Variants in CNOT7 observed in about 807,000 individuals in gnomAD.
The protein encoded by CNOT7 is CCR4-NOT transcription complex subunit 7.
A neutral mutation model predicts 37.1 loss-of-function variants in CNOT7; 4 were observed. The observed-to-expected ratio is 0.11, with a 90% CI of 0.05 to 0.25. The LOEUF (loss-of-function observed/expected upper bound fraction) is 0.25, where lower values mean the gene tolerates loss of function less well. CNOT7 is among the 10% of genes least tolerant of loss of function. The pLI is 1.00. For synonymous variants in CNOT7, 128 were observed against 115.6 expected (o/e 1.11, Z -0.69); for missense variants, 170 against 336.2 (o/e 0.51, Z 3.87).
intron 6 of CNOT7, 133 bp from the exon 7 acceptor site, chr8:17,230,981 G>C (rs1808523658): frequency 1.6e-6 from 1 of 606,670 alleles, no homozygotes; most frequent in South Asian, 2.7e-5. Flanking sequence ...GTGTTCCTTT[G>C]AGGCTACGCA....
rs1808145509 is a variant in CNOT7 at position 17,226,181 on chromosome 8, G to C, written c.*4539C>G. ...AAAAATTGAAAACTCAAAATATTGA[G>C]TACAATTTTTTTTTCTTTTTTTAGT... On this transcript the variant is annotated 3_prime_UTR_variant, in exon 7 of 7. Transcript: ENST00000361272. 1 of 151,088 alleles carries C rather than the reference G, an allele frequency of 6.6e-6. No individual in the cohort carries two copies. The highest frequency in any genetic ancestry group is 2.1e-4 in the South Asian group (1 of 4,804). 9.4% of individuals were successfully genotyped at this position (151,088 alleles called of 1,614,324 possible).
rs1244782554 is a variant in CNOT7 at position 17,227,505 on chromosome 8, A to ACTAT, written c.*3211_*3214dup. The ACTAT allele has an allele frequency of 4.6e-5, 7 of 151,994 alleles. No homozygotes were observed. Among genetic ancestry groups the ACTAT allele is most frequent in the Admixed American group, 2.0e-4 (3 of 15,254 alleles). The allele number at this position is 151,994 out of a possible 1,614,324, so 9.4% of individuals were successfully genotyped here. On this transcript the variant is annotated 3_prime_UTR_variant, in exon 7 of 7. Coordinates refer to ENST00000361272, the MANE Select transcript of CNOT7 (RefSeq NM_013354.7). The stretch of plus-strand genomic sequence containing the variant: ...CTGGACACATGTCTTTGGGTTGGTT[A>ACTAT]CTATCTTCAAGCACGATGTAATTCA...
Position 17,234,871 on chromosome 8 carries a change from G to A in CNOT7, c.474-11C>T. 3 of 1,611,330 alleles carry A rather than the reference G, an allele frequency of 1.9e-6. No homozygotes were observed. Among genetic ancestry groups the A allele is most frequent in the South Asian group, 1.1e-5 (1 of 90,950 alleles). On this transcript the variant is annotated splice_polypyrimidine_tract_variant and intron_variant, in intron 4 of 6. Transcript: ENST00000361272. ...CCAAAGTCGTAACCGCTATAAAAGG[G>A]TTAAAAGAATAGAGAAGAGGGACAT...
At chr8:17,241,558 T>A (rs1014029498) in intron 3 of CNOT7, 1 of 152,184 alleles carries the variant, frequency 6.6e-6, no homozygotes. Flanking sequence ...AATTCATACA[T>A]TGGCACTACC....
At position 17,225,211 on chromosome 8, in the gene CNOT7, A is replaced by T. The variant is rs1426059656; in HGVS notation, c.*5509T>A. ...AGCCATGATGATAGTCTGAAGCTAAAGGAACTCCAATTTCTTGGTATGATA... is the reference window on the plus strand; with the variant it reads ...AGCCATGATGATAGTCTGAAGCTAATGGAACTCCAATTTCTTGGTATGATA... On this transcript the variant is annotated 3_prime_UTR_variant, in exon 7 of 7. Transcript: ENST00000361272. 6.6e-6 allele frequency: 1 copy of T among 151,748 alleles called. No individual in the cohort carries two copies. The highest frequency in any genetic ancestry group is 2.4e-5 in the African/African-American group (1 of 41,422). The allele number at this position is 151,748 out of a possible 1,614,324, so 9.4% of individuals were successfully genotyped here. A position where few individuals can be genotyped will look rare whatever the true frequency, so the allele number is the denominator to read the frequency against.
chr8:17,240,282 C>G (rs1809982862), intron 3 of CNOT7, among the ~76,000 whole-genome samples: 1 of 152,178 alleles, frequency 6.6e-6, no homozygotes, highest in African/African-American at 2.4e-5. Context: ...GCCAGTGGGC[C>G]ACATGTGGCC....
Position 17,226,753 on chromosome 8 carries a change from A to G in CNOT7, c.*3967T>C, listed in dbSNP as rs1808184403. 6.6e-6 allele frequency: 1 copy of G among 151,794 alleles called. No homozygotes were observed. The highest frequency in any genetic ancestry group is 1.5e-5 in the Non-Finnish European group (1 of 67,734). The allele number at this position is 151,794 out of a possible 1,614,324, so 9.4% of individuals were successfully genotyped here. On this transcript the variant is annotated 3_prime_UTR_variant, in exon 7 of 7. Coordinates refer to ENST00000361272, the MANE Select transcript of CNOT7 (RefSeq NM_013354.7). ...CAATCTTAAGTTTTAGTTTTTATTGAAATGAATTTACCATATTATGTTGTT... is the reference window on the plus strand; with the variant it reads ...CAATCTTAAGTTTTAGTTTTTATTGGAATGAATTTACCATATTATGTTGTT...
At chr8:17,231,511 C>G in intron 6 of CNOT7, 1 of 984,838 alleles carries the variant, frequency 1.0e-6, no homozygotes, top group Non-Finnish European at 1.2e-6. Flanking sequence ...ATCAACAACA[C>G]TACTTAGCAA....
rs1037840743 is a variant in CNOT7 at position 17,232,185 on chromosome 8, C to T, written c.729+242G>A. 7.7e-6 allele frequency: 10 copies of T among 1,293,392 alleles called. No homozygotes were observed. In the African/African-American group the frequency reaches 1.2e-4, roughly 16 times the overall value. The allele number at this position is 1,293,392 out of a possible 1,614,324, so 80.1% of individuals were successfully genotyped here. ...ATATGGTTGGACCTACATGACTTCT[C>T]AGGTAGTTTATGTTTTAAAATTGTT... is the stretch of plus-strand genomic sequence containing the variant. On this transcript the variant is annotated intron_variant, in intron 6 of 6. Coordinates refer to ENST00000361272, the MANE Select transcript of CNOT7 (RefSeq NM_013354.7).
chr8:17,245,270 T>C (rs1810763670), intron 1 of CNOT7, 23 bp from the exon 2 acceptor site: 1 of 1,058,174 alleles, frequency 9.5e-7, no homozygotes, highest in South Asian at 2.0e-5. Context: ...AAAAACAATA[T>C]GAAGACCAGA....
rs1808779852 is a variant in CNOT7, at chr8:17,232,637, T to C, written c.619-100A>G. 3 of 989,574 alleles carry C rather than the reference T, an allele frequency of 3.0e-6. No homozygotes were observed. In the Admixed American group the frequency reaches 6.9e-5, roughly 23 times the overall value. The allele number at this position is 989,574 out of a possible 1,614,324, so 61.3% of individuals were successfully genotyped here. A position where few individuals can be genotyped will look rare whatever the true frequency, so the allele number is the denominator to read the frequency against. On this transcript the variant is annotated intron_variant, in intron 5 of 6. Coordinates refer to ENST00000361272, the MANE Select transcript of CNOT7 (RefSeq NM_013354.7). ...CGCTGACCAAAATAAAAATAAACTT[T>C]AGTATGTAAAGGTGAATCTTATAAA...
At position 17,230,614 on chromosome 8, in the gene CNOT7, A is replaced by G; in HGVS notation, c.*106T>C. Reference sequence around the variant, plus strand: ...GGCAGACAATAAAATGGGCCATGAAAGGGGGGGGAAAGGTACTGTCTATTG... The same window carrying G: ...GGCAGACAATAAAATGGGCCATGAAGGGGGGGGGAAAGGTACTGTCTATTG... On this transcript the variant is annotated 3_prime_UTR_variant, in exon 7 of 7. Coordinates refer to ENST00000361272, the MANE Select transcript of CNOT7 (RefSeq NM_013354.7). The G allele has an allele frequency of 2.2e-6, 2 of 906,120 alleles. No homozygotes were observed. The highest frequency in any genetic ancestry group is 1.6e-6 in the Non-Finnish European group (1 of 635,318). The allele number at this position is 906,120 out of a possible 1,614,324, so 56.1% of individuals were successfully genotyped here.
intron 2 of CNOT7, chr8:17,244,598 T>C (rs1170383630): frequency 6.5e-6 from 1 of 153,708 alleles, no homozygotes; most frequent in Non-Finnish European, 1.4e-5. Flanking sequence ...AGTATCTCCA[T>C]CCTGGCTAAA....
Position 17,225,329 on chromosome 8 carries a change from G to A in CNOT7, c.*5391C>T, listed in dbSNP as rs1808085070. 6.6e-6 allele frequency: 1 copy of A among 151,532 alleles called. No homozygotes were observed. Among genetic ancestry groups the A allele is most frequent in the African/African-American group, 2.4e-5 (1 of 41,336 alleles). 9.4% of individuals were successfully genotyped at this position (151,532 alleles called of 1,614,324 possible). A position where few individuals can be genotyped will look rare whatever the true frequency, so the allele number is the denominator to read the frequency against. ...CCCTCCTATGACAATAAAGCAAGAGGGCAGATTATATTCATGAATGCTTCT... is the reference window on the plus strand; with the variant it reads ...CCCTCCTATGACAATAAAGCAAGAGAGCAGATTATATTCATGAATGCTTCT... On this transcript the variant is annotated 3_prime_UTR_variant, in exon 7 of 7. Coordinates refer to ENST00000361272, the MANE Select transcript of CNOT7 (RefSeq NM_013354.7).
At position 17,229,739 on chromosome 8, in the gene CNOT7, T is replaced by C. The variant is rs1471686072; in HGVS notation, c.*981A>G. ...GCACAATTTTTGTCTTCTAATTTAA[T>C]TTGGTACAAAATATACCTAAAGACT... is the stretch of plus-strand genomic sequence containing the variant. On this transcript the variant is annotated 3_prime_UTR_variant, in exon 7 of 7. Transcript: ENST00000361272. The C allele has an allele frequency of 1.3e-5, 2 of 151,884 alleles. No homozygotes were observed. Among genetic ancestry groups the C allele is most frequent in the Non-Finnish European group, 3.0e-5 (2 of 67,758 alleles). The allele number at this position is 151,884 out of a possible 1,614,324, so 9.4% of individuals were successfully genotyped here.
chr8:17,236,202 C>T (rs1361029033), intron 4 of CNOT7, among the ~76,000 whole-genome samples: 1 of 152,130 alleles, frequency 6.6e-6, no homozygotes, highest in African/African-American at 2.4e-5. Flanking sequence ...CATGAACAGT[C>T]CTTCACTATA....
intron 2 of CNOT7, 115 bp downstream of exon 2, chr8:17,244,921 T>C: frequency 1.1e-6 from 1 of 878,254 alleles, no homozygotes; most frequent in East Asian, 2.5e-5. Flanking sequence ...AAATTTTACT[T>C]TTCATGGTGA....
At chr8:17,236,769 ATC>A (rs1487973123) in intron 4 of CNOT7, among the ~76,000 whole-genome samples, 1 of 152,206 alleles carries the variant, frequency 6.6e-6, no homozygotes, top group Non-Finnish European at 1.5e-5. Flanking sequence ...AATAATTTTC[ATC>A]TGTTTTATTC....
chr8:17,238,643 G>C (rs987329448), intron 3 of CNOT7, among the ~76,000 whole-genome samples: 2 of 151,930 alleles, frequency 1.3e-5, no homozygotes, highest in African/African-American at 4.8e-5. Context: ...AGCAATGAAA[G>C]GGATAAAAAA....
Sources: allele counts gnomAD v4.1 joint callset (sites outside exome capture counted in the v4.1 genomes callset), GRCh38; gene constraint gnomAD v4.1.1; transcripts MANE v1.5; gene names NCBI Gene and HGNC (gene_info 2026-07-23, HGNC 2026-07-21).